Variants in SPPL3 observed in about 807,000 individuals in gnomAD.
The protein encoded by SPPL3 is signal peptide peptidase like 3.
In SPPL3, 5 loss-of-function variants were observed where a neutral mutation model predicts 42.4. That is an observed-to-expected ratio of 0.12 (90% CI 0.06 to 0.25). SPPL3 has a LOEUF of 0.25. Ranked by LOEUF, SPPL3 falls within the 10% of genes least tolerant of loss-of-function variation. SPPL3 has a pLI of 1.00. For synonymous variants in SPPL3, 195 were observed against 181.8 expected, an observed-to-expected ratio of 1.07 and a Z score of -0.58; for missense variants, 235 against 489.0, an observed-to-expected ratio of 0.48 and a Z score of 4.90.
intron 1 of SPPL3, among the ~76,000 whole-genome samples, chr12:120,841,115 CA>C (rs1871813419): frequency 6.6e-6 from 1 of 152,134 alleles, no homozygotes; most frequent in Non-Finnish European, 1.5e-5. Context: ...CACCTGAGGT[CA>C]GCAGTTCGAG....
chr12:120,817,547 C>T (rs146050777), intron 1 of SPPL3, among the ~76,000 whole-genome samples: 2 of 152,242 alleles, frequency 1.3e-5, no homozygotes, highest in African/African-American at 4.8e-5. Context: ...GGTAAGCCAT[C>T]ATCTTACCCT....
intron 1 of SPPL3, among the ~76,000 whole-genome samples, chr12:120,888,866 T>A (rs181516090): frequency 5.3e-5 from 8 of 152,226 alleles, no homozygotes; most frequent in East Asian, 3.9e-4. Context: ...CGGAGTACAA[T>A]GGGTGCAATC....
intron 2 of SPPL3, among the ~76,000 whole-genome samples, chr12:120,809,455 C>T (rs183591436): frequency 6.6e-6 from 1 of 152,250 alleles, no homozygotes; most frequent in Non-Finnish European, 1.5e-5. Flanking sequence ...TGTGATTTTA[C>T]AAAGTAGCCA....
chr12:120,867,176 A>G (rs927942969), intron 1 of SPPL3, among the ~76,000 whole-genome samples: 4 of 152,242 alleles, frequency 2.6e-5, no homozygotes, highest in African/African-American at 9.6e-5. Flanking sequence ...GATACAGAAA[A>G]TAATTACATA....
chr12:120,832,436 C>T (rs2137018916), intron 1 of SPPL3, among the ~76,000 whole-genome samples: 1 of 152,266 alleles, frequency 6.6e-6, no homozygotes, highest in African/African-American at 2.4e-5. Context: ...CTTTGGGAGG[C>T]CAAGGTGGGC....
In SPPL3 at chr12:120,768,456, G is replaced by A. The variant is rs980780067; in HGVS notation, c.642C>T (p.Asn214=). 6 of 1,614,072 alleles carry A rather than the reference G, an allele frequency of 3.7e-6. No individual in the cohort carries two copies. The highest frequency in any genetic ancestry group is 1.1e-5 in the South Asian group (1 of 91,054). The stretch of plus-strand genomic sequence containing the variant: ...GCTGAGTGGCCACCTTCACCATGAC[G>A]TTGCTATTGAAGATGTAGGCTGAGA... The part of the protein sequence containing the change: ...VFFSAYIFNS[N]VMVKVATQPA... Residue 214 remains asparagine, a synonymous_variant, in exon 8 of 11, where the codon AAC becomes AAT. Coordinates refer to ENST00000353487, the MANE Select transcript of SPPL3 (RefSeq NM_139015.5).
intron 1 of SPPL3, among the ~76,000 whole-genome samples, chr12:120,820,451 G>A (rs1223440865): frequency 6.6e-6 from 1 of 151,826 alleles, no homozygotes; most frequent in Non-Finnish European, 1.5e-5. Flanking sequence ...GAGTAGCTGG[G>A]ACTACAGGCG....
At chr12:120,828,860 G>A (rs1871307727) in intron 1 of SPPL3, among the ~76,000 whole-genome samples, 1 of 152,152 alleles carries the variant, frequency 6.6e-6, no homozygotes, top group Non-Finnish European at 1.5e-5. Context: ...GGGCTCAAGA[G>A]ATCCTCTGCC....
chr12:120,865,093 T>C (rs1322166112), intron 1 of SPPL3, among the ~76,000 whole-genome samples: 1 of 152,192 alleles, frequency 6.6e-6, no homozygotes, highest in Non-Finnish European at 1.5e-5. Flanking sequence ...TTCAGGGATT[T>C]CCAGGGAAAT....
chr12:120,874,981 C>A (rs542187666), intron 1 of SPPL3, among the ~76,000 whole-genome samples: 3 of 152,256 alleles, frequency 2.0e-5, no homozygotes, highest in Admixed American at 6.5e-5. Context: ...AAAATTTAGG[C>A]CACATAAAAA....
At chr12:120,827,346 TA>T (rs1184175194) in intron 1 of SPPL3, among the ~76,000 whole-genome samples, 4 of 143,638 alleles carry the variant, frequency 2.8e-5, no homozygotes, top group African/African-American at 2.7e-5. Flanking sequence ...ATAATAATAA[TA>T]ATAATAATAT....
At chr12:120,854,217 C>A (rs1228599147) in intron 1 of SPPL3, among the ~76,000 whole-genome samples, 1 of 152,140 alleles carries the variant, frequency 6.6e-6, no homozygotes, top group Admixed American at 6.5e-5. Flanking sequence ...GCAGAGGAAA[C>A]TGACCCAAGG....
intron 1 of SPPL3, among the ~76,000 whole-genome samples, chr12:120,877,147 T>C (rs1873130192): frequency 6.6e-6 from 1 of 152,096 alleles, no homozygotes; most frequent in Non-Finnish European, 1.5e-5. Flanking sequence ...TCAACATAAA[T>C]TGGGATAAAG....
Position 120,852,799 on chromosome 12 carries a change from TATA to T in SPPL3, c.24-41916_24-41914del, listed in dbSNP as rs1194893918. Among the ~76,000 whole-genome samples the T allele has an allele frequency of 5.9e-4, 59 of 100,260 alleles. 4 individuals are homozygous for T. Among genetic ancestry groups the T allele is most frequent in the Non-Finnish European group, 1.1e-3 (53 of 47,638 alleles). The allele number at this position is 100,260 out of a possible 152,430, so 65.8% of individuals were successfully genotyped here. ...TATAAAATATATTTCATATATCATATATACATATATGAAATATATATTTCATAT... is the reference window on the plus strand; with the variant it reads ...TATAAAATATATTTCATATATCATATCATATATGAAATATATATTTCATAT... On this transcript the variant is annotated intron_variant, in intron 1 of 10. Transcript: ENST00000353487.
rs1331151166 is a variant in SPPL3 at position 120,903,660 on chromosome 12, C to T, written c.23+185G>A. ...CCCTTCTCGGACGCCAGGTCCCCGG[C>T]CACTCACCGCCCTCCGTGCGCGCCA... On this transcript the variant is annotated intron_variant, in intron 1 of 10. Transcript: ENST00000353487. Among the ~76,000 whole-genome samples, 37 of 152,308 alleles carry T rather than the reference C, an allele frequency of 2.4e-4. 1 individual carries two copies.
At position 120,763,278 on chromosome 12, in the gene SPPL3, C is replaced by T. The variant is rs1401791241; in HGVS notation, c.*1721G>A. 1 of 152,604 alleles carries T rather than the reference C, an allele frequency of 6.6e-6. No individual in the cohort carries two copies. The highest frequency in any genetic ancestry group is 2.4e-5 in the African/African-American group (1 of 41,444). The allele number at this position is 152,604 out of a possible 1,614,324, so 9.5% of individuals were successfully genotyped here. ...AAACAAAACCCCAGAAACCCCTCAG[C>T]AGGAATTGATGACAACAACAGAGGA... On this transcript the variant is annotated 3_prime_UTR_variant, in exon 11 of 11. Coordinates refer to ENST00000353487, the MANE Select transcript of SPPL3 (RefSeq NM_139015.5).
chr12:120,780,683 T>C (rs945105854), intron 6 of SPPL3, among the ~76,000 whole-genome samples: 13 of 144,724 alleles, frequency 9.0e-5, no homozygotes, highest in African/African-American at 3.1e-4. Context: ...AGGTCAGGGG[T>C]TCGAGACTAG....
chr12:120,881,729 A>G (rs755649605), intron 1 of SPPL3, among the ~76,000 whole-genome samples: 1 of 151,732 alleles, frequency 6.6e-6, no homozygotes. Flanking sequence ...CTTTAAAAGG[A>G]AGAAAATTCT....
chr12:120,874,218 C>G (rs1044838181), intron 1 of SPPL3, among the ~76,000 whole-genome samples: 5 of 151,844 alleles, frequency 3.3e-5, no homozygotes, highest in African/African-American at 1.2e-4. Context: ...TTAGGAAGAC[C>G]GAGGAAGGCG....
Sources: gnomAD v4.1 joint callset for allele counts (sites outside exome capture counted in the v4.1 genomes callset) on GRCh38, gnomAD v4.1.1 for gene constraint, MANE v1.5 for transcripts, NCBI Gene and HGNC (gene_info 2026-07-23, HGNC 2026-07-21) for gene names.